Variants in AKAP9 observed in about 807,000 individuals in gnomAD.
AKAP9 encodes A-kinase anchoring protein 9, also known as A-kinase anchor protein 9.
AKAP9 carries 311 observed loss-of-function variants against 488.5 expected under a neutral mutation model. That is an observed-to-expected ratio of 0.64 (90% CI 0.58 to 0.70). The LOEUF (loss-of-function observed/expected upper bound fraction) is 0.70. Ranked by LOEUF, AKAP9 falls within the 30% of genes least tolerant of loss-of-function variation. The pLI is 0.00. For missense variants in AKAP9, 4,215 were observed against 4,374.5 expected, an observed-to-expected ratio of 0.96 and a Z score of 1.03; for synonymous variants, 1,462 against 1,483.5, an observed-to-expected ratio of 0.99 and a Z score of 0.33.
rs775631672 is a variant in AKAP9, at chr7:92,084,983, T to C, written c.8832+43T>C. The C allele has an allele frequency of 3.1e-6, 5 of 1,604,650 alleles. No homozygotes were observed. In the African/African-American group the frequency reaches 5.4e-5, roughly 17 times the overall value. On this transcript the variant is annotated intron_variant, in intron 35 of 49. Transcript: ENST00000356239. The stretch of plus-strand genomic sequence containing the variant: ...CCTTTTATTAACTCAGCCAGTGTTG[T>C]TTCTATGTTGAACATAGCAGTTCAT...
At position 91,998,798 on chromosome 7, in the gene AKAP9, T is replaced by A. The variant is rs140876530; in HGVS notation, c.931-2050T>A. On this transcript the variant is annotated intron_variant, in intron 7 of 49. Coordinates refer to ENST00000356239, the MANE Select transcript of AKAP9 (RefSeq NM_005751.5). The stretch of plus-strand genomic sequence containing the variant: ...TACAGATTTCTTTCTAGTATGTAAA[T>A]ATATTACACTCGTATATATTAATAG... Among the ~76,000 whole-genome samples, 205 of 152,304 alleles carry A rather than the reference T, an allele frequency of 1.3e-3. 1 individual carries two copies. Among genetic ancestry groups the A allele is most frequent in the African/African-American group, 4.8e-3 (199 of 41,564 alleles).
chr7:92,017,834 C>T (rs1416797239), intron 12 of AKAP9, among the ~76,000 whole-genome samples: 1 of 152,156 alleles, frequency 6.6e-6, no homozygotes, highest in Non-Finnish European at 1.5e-5. Context: ...TACTCTGTTT[C>T]TGTGCAATTA....
At chr7:92,031,907 G>T (rs1804319926) in intron 16 of AKAP9, among the ~76,000 whole-genome samples, 1 of 152,192 alleles carries the variant, frequency 6.6e-6, no homozygotes, top group Admixed American at 6.5e-5. Flanking sequence ...GAAGAAGATA[G>T]GAAAAGAAAG....
rs1320756046 is a variant in AKAP9, at chr7:92,044,871, AT to A, written c.5163-135del. ...CAAGAAGCACTTTATTGTAGATGCT[AT>A]TGGGTATTTTAATAAAAAGGATCAT... On this transcript the variant is annotated intron_variant, in intron 20 of 49. Coordinates refer to ENST00000356239, the MANE Select transcript of AKAP9 (RefSeq NM_005751.5). The A allele has an allele frequency of 1.4e-5, 8 of 576,022 alleles. No individual in the cohort carries two copies. In the African/African-American group the frequency reaches 2.1e-4, roughly 15 times the overall value. The allele number at this position is 576,022 out of a possible 1,614,324, so 35.7% of individuals were successfully genotyped here.
rs546101829 is a variant in AKAP9, at chr7:91,976,321, C to T, written c.306+2353C>T. On this transcript the variant is annotated intron_variant, in intron 2 of 49. Coordinates refer to ENST00000356239, the MANE Select transcript of AKAP9 (RefSeq NM_005751.5). The stretch of plus-strand genomic sequence containing the variant: ...ACTGCAGCCTCAACCTCCCAGACTT[C>T]AGTGATCCTCCCACCTCAGCCCGAC... 2.0e-5 allele frequency among the ~76,000 whole-genome samples: 3 copies of T among 152,214 alleles called. No homozygotes were observed. In the South Asian group the frequency reaches 6.2e-4, roughly 32 times the overall value.
chr7:92,067,863 G>A (rs912515462), intron 26 of AKAP9, among the ~76,000 whole-genome samples: 2 of 152,170 alleles, frequency 1.3e-5, no homozygotes, highest in Non-Finnish European at 2.9e-5. Context: ...AATAGAGATT[G>A]TAATAGCACC....
Position 92,045,173 on chromosome 7 carries a change from G to A in AKAP9, c.5328G>A (p.Glu1776=). The A allele has an allele frequency of 6.2e-7, 1 of 1,613,724 alleles. No individual in the cohort carries two copies. The highest frequency in any genetic ancestry group is 8.5e-7 in the Non-Finnish European group (1 of 1,179,958). Residue 1776 remains glutamate, a synonymous_variant, in exon 21 of 50, where the codon GAG becomes GAA. Transcript: ENST00000356239. ...GCCTAATTTGGAGGTCAGAAGCAGA[G>A]GCATCTGTAAAGTCATGTGTCCATG... ...SASLIWRSEA[E]ASVKSCVHEE... is the part of the protein sequence containing the mutation.
intron 21 of AKAP9, among the ~76,000 whole-genome samples, chr7:92,050,372 G>A (rs1807772256): frequency 6.6e-6 from 1 of 152,110 alleles, no homozygotes; most frequent in African/African-American, 2.4e-5. Context: ...TGGGATTACA[G>A]GCATGAGCCA....
At chr7:92,068,000 G>A (rs767119876) in intron 26 of AKAP9, among the ~76,000 whole-genome samples, 14 of 152,018 alleles carry the variant, frequency 9.2e-5, no homozygotes, top group Non-Finnish European at 5.9e-5. Flanking sequence ...AAAGAAAGCC[G>A]AAGAAGTACA....
intron 21 of AKAP9, among the ~76,000 whole-genome samples, chr7:92,052,387 A>G (rs531945543): frequency 1.3e-5 from 2 of 152,272 alleles, no homozygotes; most frequent in East Asian, 3.9e-4. Flanking sequence ...AGATCTTGTC[A>G]CCTATATGTC....
At chr7:91,976,228 T>C (rs539929900) in intron 2 of AKAP9, among the ~76,000 whole-genome samples, 2 of 151,640 alleles carry the variant, frequency 1.3e-5, no homozygotes, top group African/African-American at 4.8e-5. Flanking sequence ...CATCCACTTA[T>C]TTTATTGTTT....
At chr7:92,022,198 T>C (rs1802419803) in intron 12 of AKAP9, 40 bp from the exon 13 acceptor site, 1 of 1,437,274 alleles carries the variant, frequency 7.0e-7, no homozygotes, top group East Asian at 2.3e-5. Context: ...TGCTGGATTA[T>C]GTATTTATGT....
At chr7:91,951,569 C>G (rs895594166) in intron 1 of AKAP9, among the ~76,000 whole-genome samples, 1 of 152,202 alleles carries the variant, frequency 6.6e-6, no homozygotes, top group Non-Finnish European at 1.5e-5. Context: ...AAGCGGTTCT[C>G]CCACCTTGGC....
chr7:92,108,944 C>T, intron 49 of AKAP9: 1 of 452,816 alleles, frequency 2.2e-6, no homozygotes, highest in Non-Finnish European at 4.1e-6. Flanking sequence ...TCTGAGTCTA[C>T]AGAGCCTAAC....
Position 92,002,319 on chromosome 7 carries a change from A to G in AKAP9, c.2402A>G (p.Glu801Gly). 6.2e-7 allele frequency: 1 copy of G among 1,613,060 alleles called. No homozygotes were observed. ...LKIHTPVSQEERLIFLDSIKS... is the reference protein window; with the variant it reads ...LKIHTPVSQEGRLIFLDSIKS... ...ATACATACTCCTGTTAGCCAAGAAGAAAGATTGATTTTCTTAGACTCCATT... is the reference window on the plus strand; with the variant it reads ...ATACATACTCCTGTTAGCCAAGAAGGAAGATTGATTTTCTTAGACTCCATT... The change falls in exon 8 of 50, where the codon GAA becomes GGA. Residue 801 changes from glutamate to glycine, a missense_variant. Glu to Gly is a moderately conservative substitution (Grantham distance 98, BLOSUM62 -2). This residue lies in a region of AKAP9 where 2,361 missense variants were observed against 2,430.0 expected (regional missense o/e 0.97). Transcript: ENST00000356239.
chr7:92,022,799 CTTT>C lies in AKAP9; in HGVS notation c.3953-14_3953-12del. On this transcript the variant is annotated splice_polypyrimidine_tract_variant and intron_variant, in intron 13 of 49. Transcript: ENST00000356239. ...ATATTGAAATGTGCATTTTTTGTCTCTTTATATAACATAGATGTCAATCATAAA... is the reference window on the plus strand; with the variant it reads ...ATATTGAAATGTGCATTTTTTGTCTCATATAACATAGATGTCAATCATAAA... 6.5e-7 allele frequency: 1 copy of C among 1,526,886 alleles called. No homozygotes were observed. Among genetic ancestry groups the C allele is most frequent in the Non-Finnish European group, 9.0e-7 (1 of 1,106,228 alleles). 94.6% of individuals were successfully genotyped at this position (1,526,886 alleles called of 1,614,324 possible). A position where few individuals can be genotyped will look rare whatever the true frequency, so the allele number is the denominator to read the frequency against.
intron 1 of AKAP9, among the ~76,000 whole-genome samples, chr7:91,944,707 A>G (rs1791216231): frequency 6.6e-6 from 1 of 152,172 alleles, no homozygotes; most frequent in Non-Finnish European, 1.5e-5. Context: ...TTTTTTAAAA[A>G]ACATAAAGGC....
chr7:92,026,566 C>T (rs1425816380), intron 14 of AKAP9, among the ~76,000 whole-genome samples: 1 of 152,152 alleles, frequency 6.6e-6, no homozygotes, highest in African/African-American at 2.4e-5. Flanking sequence ...AGCTCCTGAC[C>T]TCGAGTGATC....
chr7:92,005,198 T>C (rs1158066112), intron 8 of AKAP9, among the ~76,000 whole-genome samples: 1 of 152,222 alleles, frequency 6.6e-6, no homozygotes, highest in East Asian at 1.9e-4. Flanking sequence ...AGCTTTCTGA[T>C]GTGCTGCTGC....
Sources: allele counts gnomAD v4.1 joint callset (sites outside exome capture counted in the v4.1 genomes callset), GRCh38; gene constraint gnomAD v4.1.1; regional missense constraint gnomAD v4.1.1; transcripts MANE v1.5; gene names NCBI Gene and HGNC (gene_info 2026-07-23, HGNC 2026-07-21).